PCDHGA10: variants seen among roughly 807,000 people sequenced by gnomAD.
PCDHGA10 encodes protocadherin gamma-A10.
Under a neutral mutation model 59.5 loss-of-function variants are expected in PCDHGA10, and 42 were observed. The ratio of observed to expected loss-of-function variants is 0.71; its 90% CI spans 0.55 to 0.91. The LOEUF is 0.91. PCDHGA10 is among the 40% of genes least tolerant of loss of function. PCDHGA10 has a pLI of 0.00. For synonymous variants in PCDHGA10, 511 were observed against 517.2 expected, an observed-to-expected ratio of 0.99 and a Z score of 0.16; for missense variants, 1,111 against 1,198.2, an observed-to-expected ratio of 0.93 and a Z score of 1.07.
At chr5:141,421,320 G>T (rs1561793188) in intron 1 of PCDHGA10, 2 of 1,613,786 alleles carry the variant, frequency 1.2e-6, no homozygotes, top group Non-Finnish European at 1.7e-6. Flanking sequence ...GGGCCAGGCA[G>T]ATCCGATATT....
intron 1 of PCDHGA10, among the ~76,000 whole-genome samples, chr5:141,483,613 C>A (rs2099583607): frequency 6.6e-6 from 1 of 151,914 alleles, no homozygotes; most frequent in South Asian, 2.1e-4. Context: ...ACACCTCCAT[C>A]ATTCCCATGG....
At chr5:141,452,460 G>A (rs750887712) in intron 1 of PCDHGA10, among the ~76,000 whole-genome samples, 1 of 152,140 alleles carries the variant, frequency 6.6e-6, no homozygotes, top group Non-Finnish European at 1.5e-5. Flanking sequence ...GTCAGCAGAC[G>A]GAGCTAGGAA....
chr5:141,418,413 A>T, intron 1 of PCDHGA10: 1 of 1,614,048 alleles, frequency 6.2e-7, no homozygotes, highest in Non-Finnish European at 8.5e-7. Flanking sequence ...GAGAAAGACA[A>T]TCCTGATGGT....
chr5:141,487,749 A>G lies in PCDHGA10; in HGVS notation c.2437-7058A>G, dbSNP rs574710316. 3.9e-5 allele frequency: 60 copies of G among 1,557,180 alleles called. No homozygotes were observed. The African/African-American group carries it at 5.6e-4, about 14-fold the overall frequency. ...GTCACCATTTTTGTAAGAGGTAACT[A>G]TGTGGTAGACGCTGTGCTTTGTAAC... is the stretch of plus-strand genomic sequence containing the variant. On this transcript the variant is annotated intron_variant, in intron 1 of 3. Coordinates refer to ENST00000398610, the MANE Select transcript of PCDHGA10 (RefSeq NM_018913.3). The surrounding 1 kb of genome is among the most constrained non-coding windows in gnomAD (Gnocchi z 5.0).
chr5:141,489,151 AAG>A lies in PCDHGA10; in HGVS notation c.2437-5652_2437-5651del. ...TTTTTAAGAGGCTGGAAGGAGACAT[AAG>A]AGACTTCAGCTGCTGCATTCCAAGC... On this transcript the variant is annotated intron_variant, in intron 1 of 3. Coordinates refer to ENST00000398610, the MANE Select transcript of PCDHGA10 (RefSeq NM_018913.3). The surrounding 1 kb of genome is among the most constrained non-coding windows in gnomAD (Gnocchi z 4.5). The A allele has an allele frequency of 1.1e-6, 1 of 932,970 alleles. No homozygotes were observed. The highest frequency in any genetic ancestry group is 1.6e-6 in the Non-Finnish European group (1 of 622,054). 57.8% of individuals were successfully genotyped at this position (932,970 alleles called of 1,614,324 possible).
In PCDHGA10 at chr5:141,432,113, T is replaced by G. The variant is rs1174697940; in HGVS notation, c.2436+16502T>G. 1 of 1,614,078 alleles carries G rather than the reference T, an allele frequency of 6.2e-7. No homozygotes were observed. The highest frequency in any genetic ancestry group is 8.5e-7 in the Non-Finnish European group (1 of 1,180,006). On this transcript the variant is annotated intron_variant, in intron 1 of 3. Coordinates refer to ENST00000398610, the MANE Select transcript of PCDHGA10 (RefSeq NM_018913.3). The surrounding 1 kb of genome is among the most constrained non-coding windows in gnomAD (Gnocchi z 6.0). ...AGACACCAACGACAACCCGCCGGTC[T>G]TCCCTCAGGCCTCCTATTCCGCTTA... is the stretch of plus-strand genomic sequence containing the variant.
At chr5:141,415,640 T>C in intron 1 of PCDHGA10, 29 bp downstream of exon 1, 1 of 1,594,726 alleles carries the variant, frequency 6.3e-7, no homozygotes, top group Non-Finnish European at 8.5e-7. Context: ...TTTACTTTTG[T>C]TAAAAAAAAA....
Position 141,489,830 on chromosome 5 carries a change from A to C in PCDHGA10, c.2437-4977A>C. On this transcript the variant is annotated intron_variant, in intron 1 of 3. Transcript: ENST00000398610. The surrounding 1 kb of genome is among the most constrained non-coding windows in gnomAD (Gnocchi z 4.5). ...AAGCCATTCCCAGAGCTGGTGCTAG[A>C]GCAGCAGCTGGATCGTGAAGCCCAG... 1 of 1,614,200 alleles carries C rather than the reference A, an allele frequency of 6.2e-7. No homozygotes were observed. Among genetic ancestry groups the C allele is most frequent in the Non-Finnish European group, 8.5e-7 (1 of 1,180,010 alleles).
chr5:141,419,461 C>T, intron 1 of PCDHGA10: 2 of 1,612,628 alleles, frequency 1.2e-6, no homozygotes, highest in Non-Finnish European at 1.7e-6. Flanking sequence ...CGCTGCAGGC[C>T]CGCGACCAGG....
chr5:141,500,175 CA>C (rs762724660), intron 2 of PCDHGA10, among the ~76,000 whole-genome samples: 15 of 147,258 alleles, frequency 1.0e-4, no homozygotes, highest in Non-Finnish European at 1.5e-4. Flanking sequence ...GCATGAGCTT[CA>C]TTTTTATTTT....
Position 141,486,915 on chromosome 5 carries a change from C to G in PCDHGA10, c.2437-7892C>G. The G allele has an allele frequency of 6.2e-7, 1 of 1,614,244 alleles. No individual in the cohort carries two copies. The highest frequency in any genetic ancestry group is 8.5e-7 in the Non-Finnish European group (1 of 1,180,046). ...GGTTCCTTATGTCCCCAAGCACTGCCTCCATCAGTTGGTGCTGGCCACCTA... is the reference window on the plus strand; with the variant it reads ...GGTTCCTTATGTCCCCAAGCACTGCGTCCATCAGTTGGTGCTGGCCACCTA... On this transcript the variant is annotated intron_variant, in intron 1 of 3. Transcript: ENST00000398610. This position sits in a 1 kb window ranked among gnomAD's most constrained non-coding sequence, Gnocchi z 5.0.
chr5:141,502,516 A>G (rs947349505), intron 2 of PCDHGA10, among the ~76,000 whole-genome samples: 1 of 152,146 alleles, frequency 6.6e-6, no homozygotes, highest in African/African-American at 2.4e-5. Flanking sequence ...TCCCACTATC[A>G]GTGATGCCGA....
Position 141,494,808 on chromosome 5 carries a change from A to G in PCDHGA10, c.2438A>G (p.Gln813Arg). The G allele has an allele frequency of 1.9e-6, 3 of 1,614,014 alleles. No individual in the cohort carries two copies. Among genetic ancestry groups the G allele is most frequent in the Non-Finnish European group, 2.5e-6 (3 of 1,179,982 alleles). The change falls in exon 2 of 4, where the codon CAA becomes CGA. Residue 813 changes from glutamine to arginine, a missense_variant and splice_region_variant. Gln to Arg is a conservative substitution (Grantham distance 43, BLOSUM62 1). Coordinates refer to ENST00000398610, the MANE Select transcript of PCDHGA10 (RefSeq NM_018913.3). ...CCTTTCCCTCTGTTTTCTCCACAGC[A>G]AGCCCCGCCCAACACGGACTGGCGT... ...FPIEDTPLVP[Q>R]APPNTDWRFS...
intron 1 of PCDHGA10, among the ~76,000 whole-genome samples, chr5:141,453,135 A>G (rs932061368): frequency 6.6e-6 from 1 of 151,778 alleles, no homozygotes; most frequent in Non-Finnish European, 1.5e-5. Context: ...TGTTTTTGAG[A>G]TAGGGTCTCG....
chr5:141,415,968 C>T (rs1382830747), intron 1 of PCDHGA10: 2 of 390,600 alleles, frequency 5.1e-6, no homozygotes, highest in African/African-American at 2.1e-5. Context: ...ACTCCAGCCC[C>T]TTAAGCAACC....
In PCDHGA10 at chr5:141,485,145, A is replaced by G. The variant is rs766014792; in HGVS notation, c.2437-9662A>G. On this transcript the variant is annotated intron_variant, in intron 1 of 3. Coordinates refer to ENST00000398610, the MANE Select transcript of PCDHGA10 (RefSeq NM_018913.3). The surrounding 1 kb of genome is among the most constrained non-coding windows in gnomAD (Gnocchi z 5.7). Reference sequence around the variant, plus strand: ...GGGTCGGCTTCATCCGCGTCTCAGGAGCAAGTAGAGAATTAGCGGGCGGCA... The same window carrying G: ...GGGTCGGCTTCATCCGCGTCTCAGGGGCAAGTAGAGAATTAGCGGGCGGCA... The G allele has an allele frequency of 4.5e-6, 7 of 1,567,410 alleles. No individual in the cohort carries two copies. Among genetic ancestry groups the G allele is most frequent in the Non-Finnish European group, 6.1e-6 (7 of 1,142,014 alleles).
Position 141,413,775 on chromosome 5 carries a change from G to T in PCDHGA10, c.600G>T (p.Leu200=). 6.2e-7 allele frequency: 1 copy of T among 1,612,878 alleles called. No homozygotes were observed. The highest frequency in any genetic ancestry group is 1.1e-5 in the South Asian group (1 of 91,068). Residue 200 remains leucine, a synonymous_variant, in exon 1 of 4, where the codon CTG becomes CTT. Coordinates refer to ENST00000398610, the MANE Select transcript of PCDHGA10 (RefSeq NM_018913.3). The part of the protein sequence containing the change: ...ANGVKYPELV[L]EHSLDREEEA... ...GCGTCAAGTACCCGGAGCTGGTACT[G>T]GAGCACTCCCTAGATCGCGAGGAAG...
chr5:141,478,164 C>A (rs202185809), intron 1 of PCDHGA10: 2 of 1,614,010 alleles, frequency 1.2e-6, no homozygotes, highest in African/African-American at 1.3e-5. Context: ...GGCTCTGCCC[C>A]CCGGGAGCAG....
At chr5:141,496,817 T>C (rs2099771666) in intron 2 of PCDHGA10, among the ~76,000 whole-genome samples, 1 of 151,020 alleles carries the variant, frequency 6.6e-6, no homozygotes, top group Non-Finnish European at 1.5e-5. Flanking sequence ...AGTGAACAAG[T>C]AGATGTGATC....
Sources: allele counts gnomAD v4.1 joint callset (sites outside exome capture counted in the v4.1 genomes callset), GRCh38; gene constraint gnomAD v4.1.1; non-coding constraint Gnocchi (gnomAD v3.1); transcripts MANE v1.5; gene names NCBI Gene and HGNC (gene_info 2026-07-23, HGNC 2026-07-21).